The following NETO2 variants were observed in gnomAD, a reference collection of about 807,000 sequenced individuals.
NETO2 encodes the protein neuropilin and tolloid like 2.
Under a neutral mutation model 62.5 loss-of-function variants are expected in NETO2, and 28 were observed. The ratio of observed to expected loss-of-function variants is 0.45; its 90% CI spans 0.33 to 0.61. The LOEUF is 0.61. Ranked by LOEUF, NETO2 falls within the 20% of genes least tolerant of loss-of-function variation. NETO2 has a pLI of 0.02. For synonymous variants in NETO2, 214 were observed against 219.1 expected, an observed-to-expected ratio of 0.98 and a Z score of 0.21; for missense variants, 548 against 643.2, an observed-to-expected ratio of 0.85 and a Z score of 1.60.
intron 2 of NETO2, among the ~76,000 whole-genome samples, 162 bp from the exon 3 acceptor site, chr16:47,129,526 AAGAGAGGG>A (rs1212738688): frequency 2.0e-5 from 3 of 152,184 alleles, no homozygotes; most frequent in South Asian, 4.1e-4. Flanking sequence ...ACAGAAGTGA[AAGAGAGGG>A]AGGGAAAACT....
At chr16:47,122,535 TA>T in intron 6 of NETO2, 121 bp downstream of exon 6, 1 of 1,033,436 alleles carries the variant, frequency 9.7e-7, no homozygotes, top group Non-Finnish European at 1.4e-6. Context: ...AAATACATTT[TA>T]AAAAGTTGCA....
intron 7 of NETO2, among the ~76,000 whole-genome samples, chr16:47,095,267 T>G (rs1963406077): frequency 6.6e-6 from 1 of 151,756 alleles, no homozygotes; most frequent in Non-Finnish European, 1.5e-5. Context: ...AAAAAATCAA[T>G]TAAAGAAAAG....
intron 7 of NETO2, among the ~76,000 whole-genome samples, chr16:47,105,480 C>A (rs1186187054): frequency 6.6e-6 from 1 of 151,908 alleles, no homozygotes; most frequent in African/African-American, 2.4e-5. Flanking sequence ...ACAAAAAAAA[C>A]CCACATTAAT....
chr16:47,099,357 A>G (rs1185729962), intron 7 of NETO2, among the ~76,000 whole-genome samples: 2 of 152,232 alleles, frequency 1.3e-5, no homozygotes, highest in Non-Finnish European at 2.9e-5. Context: ...CTGCAAAAAC[A>G]TACCAAATTT....
At chr16:47,142,335 G>A (rs753716477) in intron 1 of NETO2, among the ~76,000 whole-genome samples, 3 of 152,242 alleles carry the variant, frequency 2.0e-5, no homozygotes, top group Non-Finnish European at 4.4e-5. Context: ...TACGTTTACA[G>A]TGGGGTAGTT....
At chr16:47,115,058 G>C (rs990616604) in intron 6 of NETO2, among the ~76,000 whole-genome samples, 4 of 151,928 alleles carry the variant, frequency 2.6e-5, no homozygotes, top group Non-Finnish European at 4.4e-5. Context: ...AATCATATTT[G>C]CAGAAATCTA....
intron 3 of NETO2, 88 bp downstream of exon 3, chr16:47,129,136 C>T (rs1964214196): frequency 8.2e-7 from 1 of 1,216,754 alleles, no homozygotes; most frequent in Non-Finnish European, 1.2e-6. Context: ...AAATTTCATT[C>T]AAACTGGTTT....
At chr16:47,143,488 C>A in intron 1 of NETO2, 91 bp downstream of exon 1, 2 of 1,198,762 alleles carry the variant, frequency 1.7e-6, no homozygotes, top group African/African-American at 1.6e-5. Flanking sequence ...GGGTCCCGGG[C>A]GCGGGTAAGG....
rs1178059621 is a variant in NETO2 at position 47,123,717 on chromosome 16, A to C, written c.482-805T>G. Among the ~76,000 whole-genome samples the C allele has an allele frequency of 2.0e-5, 3 of 152,322 alleles. No homozygotes were observed. The East Asian group carries it at 5.8e-4, about 29-fold the overall frequency. On this transcript the variant is annotated intron_variant, in intron 4 of 8. Transcript: ENST00000562435. ...ATCTATTTATTTTTGTTTATTTTTGAGATGGAGTTTCACACTGTTGCCCAG... is the reference window on the plus strand; with the variant it reads ...ATCTATTTATTTTTGTTTATTTTTGCGATGGAGTTTCACACTGTTGCCCAG...
At chr16:47,085,988 C>T (rs982934728) in intron 8 of NETO2, among the ~76,000 whole-genome samples, 4 of 151,970 alleles carry the variant, frequency 2.6e-5, no homozygotes, top group Non-Finnish European at 5.9e-5. Flanking sequence ...CACCTGTAGT[C>T]CCAGCTACTT....
At chr16:47,113,071 AT>A (rs1479168832) in intron 6 of NETO2, among the ~76,000 whole-genome samples, 1 of 152,190 alleles carries the variant, frequency 6.6e-6, no homozygotes, top group East Asian at 1.9e-4. Context: ...TCTTCTCTTT[AT>A]GCACAGGTAT....
In NETO2 at chr16:47,083,722, C is replaced by G. The variant is rs1484515689; in HGVS notation, c.1077G>C (p.Leu359Phe). The G allele has an allele frequency of 1.2e-6, 2 of 1,614,028 alleles. No homozygotes were observed. Among genetic ancestry groups the G allele is most frequent in the Admixed American group, 1.7e-5 (1 of 60,012 alleles). Reference protein sequence around the residue: ...TIIGITSGIVLVLLIISILVQ... With the variant: ...TIIGITSGIVFVLLIISILVQ... ...CTAAAATAGAAATAATGAGAAGGAC[C>G]AAGACAATCCCTGAAGTAATGCCAA... The change falls in exon 9 of 9, where the codon TTG becomes TTC. Residue 359 changes from leucine to phenylalanine, a missense_variant. Transcript: ENST00000562435.
chr16:47,129,457 A>G, intron 2 of NETO2, 93 bp from the exon 3 acceptor site: 1 of 1,238,886 alleles, frequency 8.1e-7, no homozygotes, highest in Non-Finnish European at 1.1e-6. Flanking sequence ...TGCTCACTCT[A>G]TGCTACATAT....
At chr16:47,109,437 G>GA (rs765669687) in intron 7 of NETO2, 46 bp downstream of exon 7, 3 of 1,447,240 alleles carry the variant, frequency 2.1e-6, no homozygotes, top group South Asian at 2.4e-5. Flanking sequence ...GTGAATGAGT[G>GA]AAAAATATGT....
chr16:47,143,767 G>A lies in NETO2; in HGVS notation c.-155C>T. 4.9e-6 allele frequency: 5 copies of A among 1,021,116 alleles called. No individual in the cohort carries two copies. Among genetic ancestry groups the A allele is most frequent in the Non-Finnish European group, 6.2e-6 (5 of 805,368 alleles). 63.3% of individuals were successfully genotyped at this position (1,021,116 alleles called of 1,614,324 possible). On this transcript the variant is annotated 5_prime_UTR_variant, in exon 1 of 9. Coordinates refer to ENST00000562435, the MANE Select transcript of NETO2 (RefSeq NM_018092.5). ...CCCTGAGGAGAGCTCAGGTCCTGCG[G>A]CCCGCCATGCCCGAGCCCCACAGTG...
At chr16:47,106,498 T>C (rs920909521) in intron 7 of NETO2, among the ~76,000 whole-genome samples, 1 of 152,138 alleles carries the variant, frequency 6.6e-6, no homozygotes, top group African/African-American at 2.4e-5. Context: ...GCTACAACCC[T>C]TCCGGAAGGG....
At chr16:47,095,381 C>T (rs1247468594) in intron 7 of NETO2, among the ~76,000 whole-genome samples, 13 of 152,096 alleles carry the variant, frequency 8.5e-5, no homozygotes, top group Admixed American at 8.5e-4. Context: ...CATAAATAAA[C>T]TCTCCAATCA....
intron 7 of NETO2, among the ~76,000 whole-genome samples, chr16:47,107,171 G>T (rs1596719077): frequency 6.6e-6 from 1 of 152,184 alleles, no homozygotes; most frequent in African/African-American, 2.4e-5. Flanking sequence ...AAATACAGAT[G>T]TATCTGCTCA....
At chr16:47,115,748 T>TATATATATATATATA (rs1163632223) in intron 6 of NETO2, among the ~76,000 whole-genome samples, 1 of 145,784 alleles carries the variant, frequency 6.9e-6, no homozygotes, top group African/African-American at 2.6e-5. Context: ...TATATATATA[T>TATATATATATATATA]TTTGTAGGGG....
Sources: gnomAD v4.1 joint callset for allele counts (sites outside exome capture counted in the v4.1 genomes callset) on GRCh38, gnomAD v4.1.1 for gene constraint, MANE v1.5 for transcripts, NCBI Gene and HGNC (gene_info 2026-07-23, HGNC 2026-07-21) for gene names.